AHNAK: variants seen among roughly 807,000 people sequenced by gnomAD.
AHNAK encodes the protein AHNAK nucleoprotein, also known as neuroblast differentiation-associated protein AHNAK.
A neutral mutation model predicts 37.8 loss-of-function variants in AHNAK; 23 were observed. That is an observed-to-expected ratio of 0.61 (90% CI 0.44 to 0.86). The LOEUF is 0.86. AHNAK is among the 40% of genes least tolerant of loss of function. The pLI is 0.00. For synonymous variants in AHNAK, 2,481 were observed against 2,636.3 expected, an observed-to-expected ratio of 0.94 and a Z score of 1.80; for missense variants, 7,411 against 7,319.4, an observed-to-expected ratio of 1.01 and a Z score of -0.46.
At chr11:62,508,594 G>A (rs1239862157) in intron 4 of AHNAK, among the ~76,000 whole-genome samples, 1 of 152,194 alleles carries the variant, frequency 6.6e-6, no homozygotes, top group Non-Finnish European at 1.5e-5. Flanking sequence ...AATAACAGAG[G>A]CATTTAAAGG....
In AHNAK at chr11:62,520,097, G is replaced by A. The variant is rs377734020; in HGVS notation, c.14320C>T (p.Pro4774Ser). ...TTGGGCATCTTCAGGTGCCAGTCTG[G>A]GCCATGAACATCCACATCAGGGGTG... ...INTPDVDVHG[P>S]DWHLKMPKVK... Residue 4774 changes from proline to serine, a missense_variant, in exon 5 of 5, where the codon CCA becomes TCA. Transcript: ENST00000378024. The A allele has an allele frequency of 1.9e-6, 3 of 1,612,618 alleles. No individual in the cohort carries two copies. The Admixed American group carries it at 5.0e-5, about 27-fold the overall frequency.
rs1940426000 is a variant in AHNAK, at chr11:62,525,129, A to G, written c.9288T>C (p.Ile3096=). 2 of 1,613,898 alleles carry G rather than the reference A, an allele frequency of 1.2e-6. No homozygotes were observed. Among genetic ancestry groups the G allele is most frequent in the East Asian group, 2.2e-5 (1 of 44,860 alleles). The change falls in exon 5 of 5, where the codon ATT becomes ATC. Residue 3096 remains isoleucine (I), a synonymous_variant. Transcript: ENST00000378024. The stretch of plus-strand genomic sequence containing the variant: ...CTTTGGGACCTTTCAGGTTAAGATC[A>G]ATGTCAGGCATGGAGATCTTGGGGG... The part of the protein sequence containing the change: ...IKAPKISMPD[I]DLNLKGPKVK...
At chr11:62,463,189 G>A (rs528115107) in intron 5 of AHNAK, among the ~76,000 whole-genome samples, 5 of 150,510 alleles carry the variant, frequency 3.3e-5, no homozygotes, top group African/African-American at 1.2e-4. Context: ...TACAGACCAG[G>A]AATGTGTTTC....
intron 5 of AHNAK, among the ~76,000 whole-genome samples, chr11:62,449,936 T>G (rs1938497052): frequency 6.6e-6 from 1 of 151,982 alleles, no homozygotes; most frequent in East Asian, 1.9e-4. Flanking sequence ...ACTCGTGTCT[T>G]TTTCCTGCGT....
In AHNAK at chr11:62,529,527, T is replaced by C. The variant is rs761125909; in HGVS notation, c.4890A>G (p.Glu1630=). The part of the protein sequence containing the change: ...MDVNVGDIDI[E]GPEGKLKGPK... ...GGCCCTTCAACTTCCCTTCTGGACC[T>C]TCAATATCAATATCACCAACATTCA... is the stretch of plus-strand genomic sequence containing the variant. Residue 1630 remains glutamate (E), a synonymous_variant, in exon 5 of 5, where the codon GAA becomes GAG. Transcript: ENST00000378024. The C allele has an allele frequency of 1.2e-6, 2 of 1,614,132 alleles. No homozygotes were observed. The highest frequency in any genetic ancestry group is 2.2e-5 in the South Asian group (2 of 91,076).
At chr11:62,480,883 G>GCT (rs1939257316) in intron 5 of AHNAK, among the ~76,000 whole-genome samples, 1 of 148,198 alleles carries the variant, frequency 6.7e-6, no homozygotes, top group Admixed American at 6.8e-5. Flanking sequence ...GTGAAGAAAT[G>GCT]CTCGTTGCCT....
chr11:62,534,983 T>C lies in AHNAK; in HGVS notation c.342+20A>G. The C allele has an allele frequency of 1.3e-6, 2 of 1,592,234 alleles. No individual in the cohort carries two copies. The highest frequency in any genetic ancestry group is 8.6e-7 in the Non-Finnish European group (1 of 1,163,628). On this transcript the variant is annotated intron_variant, in intron 4 of 4. Coordinates refer to ENST00000378024, the MANE Select transcript of AHNAK (RefSeq NM_001620.3). ...TGGCCGGGGGAGCTCAGGGCACAGA[T>C]GGGCCGGCGAGGTACTCACCAGAAC... is the stretch of plus-strand genomic sequence containing the variant.
At chr11:62,542,722 G>C (rs1941169910) in intron 1 of AHNAK, among the ~76,000 whole-genome samples, 1 of 152,232 alleles carries the variant, frequency 6.6e-6, no homozygotes, top group African/African-American at 2.4e-5. Flanking sequence ...CTATGATCCA[G>C]TGGGGAGTCC....
At chr11:62,542,822 G>C (rs1186996547) in intron 1 of AHNAK, among the ~76,000 whole-genome samples, 1 of 152,218 alleles carries the variant, frequency 6.6e-6, no homozygotes, top group African/African-American at 2.4e-5. Context: ...CGTCCTATAG[G>C]AGAGGGGGTG....
chr11:62,525,931 T>G lies in AHNAK; in HGVS notation c.8486A>C (p.His2829Pro). 1.2e-6 allele frequency: 2 copies of G among 1,614,262 alleles called. No homozygotes were observed. Among genetic ancestry groups the G allele is most frequent in the Non-Finnish European group, 8.5e-7 (1 of 1,180,046 alleles). ...CATGGATATCTTTGGAGTCTTAAAA[T>G]GCATCTCTGGCATCTTAAACTTTGG... ...KSPKFKMPEM[H>P]FKTPKISMPD... Residue 2829 changes from histidine (H) to proline (P), a missense_variant, in exon 5 of 5, where the codon CAT (histidine) becomes CCT (proline). Transcript: ENST00000378024.
intron 5 of AHNAK, among the ~76,000 whole-genome samples, chr11:62,464,514 A>C (rs1036948698): frequency 6.6e-5 from 10 of 151,870 alleles, no homozygotes; most frequent in Non-Finnish European, 1.2e-4. Flanking sequence ...CTAAAAATAC[A>C]AAAATTAGCC....
downstream of AHNAK, among the ~76,000 whole-genome samples, chr11:62,513,758 A>G (rs1939957875): frequency 2.6e-5 from 4 of 152,148 alleles, no homozygotes; most frequent in Admixed American, 2.6e-4. Context: ...CCCAGACCTG[A>G]CATTGAGAAG....
At chr11:62,453,683 G>A (rs1479356495) in intron 5 of AHNAK, among the ~76,000 whole-genome samples, 1 of 152,156 alleles carries the variant, frequency 6.6e-6, no homozygotes, top group African/African-American at 2.4e-5. Flanking sequence ...GAAGTCAAAG[G>A]TAGAGTTTGA....
chr11:62,488,673 A>G (rs1939442899), intron 5 of AHNAK, among the ~76,000 whole-genome samples: 1 of 151,096 alleles, frequency 6.6e-6, no homozygotes, highest in South Asian at 2.1e-4. Context: ...CGGCCTCCCA[A>G]AGTGCTGGGA....
rs781296348 is a variant in AHNAK at position 62,527,722 on chromosome 11, A to C, written c.6695T>G (p.Val2232Gly). Residue 2232 changes from valine (V) to glycine (G), a missense_variant, in exon 5 of 5, where the codon GTG becomes GGG. Physicochemically the swap from Val to Gly is moderately radical, Grantham distance 109 (BLOSUM62 -3). Coordinates refer to ENST00000378024, the MANE Select transcript of AHNAK (RefSeq NM_001620.3). ...GPKVDIDAPDVDVHGPDWHLK... is the reference protein window; with the variant it reads ...GPKVDIDAPDGDVHGPDWHLK... ...GTGCCAGTCTGGGCCATGAACATCC[A>C]CATCTGGGGCATCAATGTCCACTTT... 4 of 1,614,018 alleles carry C rather than the reference A, an allele frequency of 2.5e-6. No individual in the cohort carries two copies. In the Admixed American group the frequency reaches 6.7e-5, roughly 27 times the overall value.
chr11:62,521,328 A>C lies in AHNAK; in HGVS notation c.13089T>G (p.Gly4363=). 1 of 1,613,050 alleles carries C rather than the reference A, an allele frequency of 6.2e-7. No individual in the cohort carries two copies. The highest frequency in any genetic ancestry group is 1.1e-5 in the South Asian group (1 of 91,014). ...TTGGACCCTTGAGTTTTGCATCTGG[A>C]CCTTCGATACTGACATCAGGGGCAT... ...DIDAPDVSIE[G]PDAKLKGPKF... The change falls in exon 5 of 5, where the codon GGT becomes GGG. Residue 4363 remains glycine (G), a synonymous_variant. Transcript: ENST00000378024.
rs1451477668 is a variant in AHNAK at position 62,518,751 on chromosome 11, T to G, written c.15666A>C (p.Val5222=). 1 of 1,614,132 alleles carries G rather than the reference T, an allele frequency of 6.2e-7. No individual in the cohort carries two copies. The highest frequency in any genetic ancestry group is 1.3e-5 in the African/African-American group (1 of 74,948). Residue 5222 remains valine, a synonymous_variant, in exon 5 of 5, where the codon GTA becomes GTC. Coordinates refer to ENST00000378024, the MANE Select transcript of AHNAK (RefSeq NM_001620.3). ...VPSVGLEGPD[V]DLQGPEAKIK... is the part of the protein sequence containing the mutation. ...TTTTTGCTTCTGGACCTTGCAGATC[T>G]ACATCTGGTCCTTCCAGTCCCACGC...
chr11:62,516,675 A>G lies in AHNAK; in HGVS notation c.*69T>C. 9 of 1,519,768 alleles carry G rather than the reference A, an allele frequency of 5.9e-6. No individual in the cohort carries two copies. The highest frequency in any genetic ancestry group is 7.9e-6 in the Non-Finnish European group (9 of 1,139,626). 94.1% of individuals were successfully genotyped at this position (1,519,768 alleles called of 1,614,324 possible). A position where few individuals can be genotyped will look rare whatever the true frequency, so the allele number is the denominator to read the frequency against. ...CGGTGTGTTTCCCTTTGGAGTTTAT[A>G]TAGGAACACACCACCCAAGGCTGAT... On this transcript the variant is annotated 3_prime_UTR_variant, in exon 5 of 5. Coordinates refer to ENST00000378024, the MANE Select transcript of AHNAK (RefSeq NM_001620.3).
chr11:62,500,976 T>G (rs866267616), intron 4 of AHNAK, among the ~76,000 whole-genome samples: 4 of 151,950 alleles, frequency 2.6e-5, no homozygotes, highest in African/African-American at 4.8e-5. Flanking sequence ...CCTAACACTT[T>G]GGGAGGCTGA....
Sources: allele counts gnomAD v4.1 joint callset (sites outside exome capture counted in the v4.1 genomes callset), GRCh38; gene constraint gnomAD v4.1.1; transcripts MANE v1.5; gene names NCBI Gene and HGNC (gene_info 2026-07-23, HGNC 2026-07-21).